CSMD3: variants seen among roughly 807,000 people sequenced by gnomAD.
CSMD3 encodes CUB and sushi domain-containing protein 3.
In CSMD3, 177 loss-of-function variants were observed where a neutral mutation model predicts 435.2. The observed-to-expected ratio is 0.41, with a 90% CI of 0.36 to 0.46. The LOEUF is 0.46. Among genes scored for constraint, CSMD3 ranks in the 20% least tolerant of loss-of-function variants. The pLI, the probability that CSMD3 is intolerant of heterozygous loss-of-function variation, is 0.34. For synonymous variants in CSMD3, 1,656 were observed against 1,520.5 expected, an observed-to-expected ratio of 1.09 and a Z score of -2.07; for missense variants, 4,265 against 4,504.6, an observed-to-expected ratio of 0.95 and a Z score of 1.52.
intron 10 of CSMD3, among the ~76,000 whole-genome samples, chr8:112,888,871 G>C (rs1381492687): frequency 1.3e-5 from 2 of 151,500 alleles, no homozygotes. Flanking sequence ...AACTTAACTG[G>C]TCACCACAGC....
chr8:113,365,637 T>C (rs897033278), intron 1 of CSMD3, among the ~76,000 whole-genome samples: 3 of 152,080 alleles, frequency 2.0e-5, no homozygotes, highest in Non-Finnish European at 2.9e-5. Context: ...TGAGCTGTTG[T>C]CAGTATCATA....
In CSMD3 at chr8:112,252,007, A is replaced by G. The variant is rs1168727415; in HGVS notation, c.10110+2246T>C. Among the ~76,000 whole-genome samples the G allele has an allele frequency of 2.0e-5, 3 of 151,924 alleles. No individual in the cohort carries two copies. The East Asian group carries it at 5.8e-4, about 29-fold the overall frequency. On this transcript the variant is annotated intron_variant, in intron 63 of 70. Coordinates refer to ENST00000297405, the MANE Select transcript of CSMD3 (RefSeq NM_198123.2). ...TCTAGCAATGAGTAATATATTTTGT[A>G]TGTTAATAATTATTGATGTCCCAAA...
intron 13 of CSMD3, among the ~76,000 whole-genome samples, chr8:112,788,040 G>A (rs367677497): frequency 1.4e-4 from 22 of 152,224 alleles, no homozygotes; most frequent in African/African-American, 5.3e-4. Context: ...CTGTAGGCCT[G>A]TATCAAAATA....
intron 5 of CSMD3, among the ~76,000 whole-genome samples, chr8:113,035,175 T>G (rs1300426530): frequency 6.6e-6 from 1 of 152,060 alleles, no homozygotes; most frequent in African/African-American, 2.4e-5. Context: ...TCTAAATCCT[T>G]GTTCTTTGAA....
chr8:112,771,558 GA>G (rs199690400), intron 13 of CSMD3, among the ~76,000 whole-genome samples: 1 of 151,170 alleles, frequency 6.6e-6, no homozygotes, highest in African/African-American at 2.4e-5. Flanking sequence ...AAAAGAAAAA[GA>G]AAAAAAAGTA....
chr8:112,334,933 C>G (rs936058536), intron 45 of CSMD3, among the ~76,000 whole-genome samples: 1 of 152,108 alleles, frequency 6.6e-6, no homozygotes. Flanking sequence ...CGTGAAGATA[C>G]TGAATGCCAA....
chr8:113,000,831 T>A lies in CSMD3; in HGVS notation c.1030+18236A>T, dbSNP rs541411258. On this transcript the variant is annotated intron_variant, in intron 6 of 70. Transcript: ENST00000297405. ...ACTTCTCATAAACTTCAGACATAGA[T>A]AATCAGAGATAATTTTCCTTCTTAA... 2.6e-5 allele frequency among the ~76,000 whole-genome samples: 4 copies of A among 152,154 alleles called. No homozygotes were observed. In the South Asian group the frequency reaches 8.3e-4, roughly 31 times the overall value.
intron 6 of CSMD3, among the ~76,000 whole-genome samples, chr8:112,979,986 TATG>T (rs1229959384): frequency 6.6e-6 from 1 of 151,066 alleles, no homozygotes; most frequent in African/African-American, 2.4e-5. Context: ...TCTATGAAAT[TATG>T]ATAATGGAAA....
At chr8:112,871,082 G>C (rs2081123123) in intron 10 of CSMD3, among the ~76,000 whole-genome samples, 1 of 152,120 alleles carries the variant, frequency 6.6e-6, no homozygotes, top group Admixed American at 6.6e-5. Flanking sequence ...CATTTGATAG[G>C]ATCTCATCTT....
chr8:112,803,884 G>A (rs944079560), intron 12 of CSMD3, among the ~76,000 whole-genome samples: 8 of 152,154 alleles, frequency 5.3e-5, no homozygotes, highest in Non-Finnish European at 1.2e-4. Flanking sequence ...GATACAGTGT[G>A]GAGTTCTGCA....
chr8:113,388,127 A>T (rs2094447068), intron 1 of CSMD3, among the ~76,000 whole-genome samples: 1 of 151,686 alleles, frequency 6.6e-6, no homozygotes, highest in African/African-American at 2.4e-5. Flanking sequence ...TTTATATGCT[A>T]TGCTAAGGTA....
intron 13 of CSMD3, among the ~76,000 whole-genome samples, chr8:112,799,520 C>T: frequency 6.6e-6 from 1 of 151,874 alleles, no homozygotes; most frequent in East Asian, 1.9e-4. Context: ...TGCAAATTTG[C>T]ATTTCTAATA....
intron 32 of CSMD3, among the ~76,000 whole-genome samples, chr8:112,472,085 T>C (rs1818574052): frequency 6.6e-6 from 1 of 152,202 alleles, no homozygotes; most frequent in South Asian, 2.1e-4. Context: ...TGAGCTGAAA[T>C]GTCCTTTGCT....
At chr8:112,396,676 G>A (rs1830886680) in intron 35 of CSMD3, among the ~76,000 whole-genome samples, 1 of 152,140 alleles carries the variant, frequency 6.6e-6, no homozygotes, top group Non-Finnish European at 1.5e-5. Context: ...AAAGTTTGCT[G>A]AACACCTGTT....
At chr8:113,263,344 A>T (rs2093442279) in intron 3 of CSMD3, among the ~76,000 whole-genome samples, 1 of 152,068 alleles carries the variant, frequency 6.6e-6, no homozygotes, top group African/African-American at 2.4e-5. Context: ...TAATCATTAA[A>T]TAAAAAGAAC....
At chr8:112,908,462 T>A (rs1258613591) in intron 10 of CSMD3, among the ~76,000 whole-genome samples, 1 of 151,524 alleles carries the variant, frequency 6.6e-6, no homozygotes, top group Non-Finnish European at 1.5e-5. Context: ...TGTTTGAAAC[T>A]GCTCTCTTAA....
At chr8:112,997,299 T>C (rs1228057965) in intron 6 of CSMD3, among the ~76,000 whole-genome samples, 3 of 151,722 alleles carry the variant, frequency 2.0e-5, no homozygotes, top group Admixed American at 6.6e-5. Flanking sequence ...TTTTATTAAC[T>C]AAAAACTCAA....
In CSMD3 at chr8:112,966,981, T is replaced by G. The variant is rs77978628; in HGVS notation, c.1342+8856A>C. ...TGTTGGGACTGTGTGATAAATGTTGTTCTCTCTCCATGATGATCATCTTCA... is the reference window on the plus strand; with the variant it reads ...TGTTGGGACTGTGTGATAAATGTTGGTCTCTCTCCATGATGATCATCTTCA... On this transcript the variant is annotated intron_variant, in intron 7 of 70. Coordinates refer to ENST00000297405, the MANE Select transcript of CSMD3 (RefSeq NM_198123.2). Among the ~76,000 whole-genome samples the G allele has an allele frequency of 6.6e-3, 1,008 of 152,052 alleles. 12 individuals are homozygous for G. The highest frequency in any genetic ancestry group is 0.023 in the African/African-American group (966 of 41,544).
intron 1 of CSMD3, among the ~76,000 whole-genome samples, chr8:113,329,958 G>A (rs902065823): frequency 6.6e-6 from 1 of 152,076 alleles, no homozygotes; most frequent in African/African-American, 2.4e-5. Context: ...CCTTTGGGCT[G>A]AAATGGAAAA....
Sources: gnomAD v4.1 joint callset for allele counts (sites outside exome capture counted in the v4.1 genomes callset) on GRCh38, gnomAD v4.1.1 for gene constraint, MANE v1.5 for transcripts, NCBI Gene and HGNC (gene_info 2026-07-23, HGNC 2026-07-21) for gene names.